PPP2R2A: variants seen among roughly 807,000 people sequenced by gnomAD.
The protein encoded by PPP2R2A is protein phosphatase 2 regulatory subunit Balpha.
PPP2R2A carries 9 observed loss-of-function variants against 53.2 expected under a neutral mutation model. The ratio of observed to expected loss-of-function variants is 0.17; its 90% CI spans 0.10 to 0.30. The LOEUF is 0.30. PPP2R2A is among the 10% of genes least tolerant of loss of function. The pLI, the probability that PPP2R2A is intolerant of heterozygous loss-of-function variation, is 1.00. For missense variants in PPP2R2A, 235 were observed against 534.6 expected (o/e 0.44, Z 5.53); for synonymous variants, 169 against 174.2 (o/e 0.97, Z 0.23).
At position 26,345,696 on chromosome 8, in the gene PPP2R2A, C is replaced by G. The variant is rs12547389; in HGVS notation, c.180+6709C>G. ...TCAGGGTTGGGAGGTGAGCGACTGCCCCTTTGCAGTTACTGTGTTTTTCCC... is the reference window on the plus strand; with the variant it reads ...TCAGGGTTGGGAGGTGAGCGACTGCGCCTTTGCAGTTACTGTGTTTTTCCC... On this transcript the variant is annotated intron_variant, in intron 3 of 9. Transcript: ENST00000380737. Among the ~76,000 whole-genome samples, 567 of 152,140 alleles carry G rather than the reference C, an allele frequency of 3.7e-3. 12 individuals are homozygous for G. Among genetic ancestry groups the G allele is most frequent in the Admixed American group, 0.026 (401 of 15,282 alleles).
At chr8:26,367,947 C>T (rs942697352) in intron 9 of PPP2R2A, among the ~76,000 whole-genome samples, 1 of 152,300 alleles carries the variant, frequency 6.6e-6, no homozygotes, top group Admixed American at 6.5e-5. Context: ...CCTTGTCTTT[C>T]ATGACCTTGG....
At chr8:26,346,143 T>TATTATG (rs1804204214) in intron 3 of PPP2R2A, among the ~76,000 whole-genome samples, 1 of 150,592 alleles carries the variant, frequency 6.6e-6, no homozygotes, top group African/African-American at 2.4e-5. Flanking sequence ...TTATTATTAT[T>TATTATG]ATTATTTATT....
intron 2 of PPP2R2A, among the ~76,000 whole-genome samples, chr8:26,302,847 A>G (rs1006247128): frequency 3.3e-5 from 5 of 152,216 alleles, no homozygotes; most frequent in African/African-American, 4.8e-5. Flanking sequence ...GTCATTTTTC[A>G]TAACATTTTT....
At chr8:26,349,870 A>G (rs76183770) in intron 3 of PPP2R2A, among the ~76,000 whole-genome samples, 4,593 of 152,326 alleles carry the variant, frequency 0.03, 107 homozygotes, top group Middle Eastern at 0.051. Context: ...TACAATCATG[A>G]GTAGAAATAT....
chr8:26,336,887 A>G (rs575951501), intron 2 of PPP2R2A, among the ~76,000 whole-genome samples: 6 of 152,032 alleles, frequency 3.9e-5, no homozygotes, highest in Non-Finnish European at 8.8e-5. Context: ...TTTAAGAAAA[A>G]AAAAAGTCCA....
intron 6 of PPP2R2A, 36 bp downstream of exon 6, chr8:26,361,187 A>C (rs758661930): frequency 1.8e-5 from 28 of 1,524,404 alleles, no homozygotes; most frequent in Non-Finnish European, 2.2e-5. Context: ...TTGGTGAAGA[A>C]GGCATGTTGT....
intron 2 of PPP2R2A, among the ~76,000 whole-genome samples, chr8:26,312,993 A>G (rs1190972565): frequency 2.6e-5 from 4 of 151,204 alleles, no homozygotes; most frequent in Non-Finnish European, 4.4e-5. Flanking sequence ...CACTTTCCCA[A>G]ACTCTTTTAG....
chr8:26,358,024 T>A (rs533945735), intron 4 of PPP2R2A, among the ~76,000 whole-genome samples: 35 of 152,028 alleles, frequency 2.3e-4, no homozygotes, highest in Admixed American at 1.6e-3. Context: ...TCTGATTTTT[T>A]AAAAATTTAT....
At chr8:26,369,776 CTG>C (rs769212961) in intron 9 of PPP2R2A, among the ~76,000 whole-genome samples, 29 of 152,198 alleles carry the variant, frequency 1.9e-4, no homozygotes, top group Non-Finnish European at 2.5e-4. Context: ...GTTTTAGAAC[CTG>C]TGAGTTCCAC....
intron 3 of PPP2R2A, among the ~76,000 whole-genome samples, chr8:26,351,322 C>G (rs562740770): frequency 1.3e-4 from 20 of 151,756 alleles, no homozygotes; most frequent in African/African-American, 4.8e-4. Context: ...TGCAGTGGTC[C>G]CTGTCTCCAT....
chr8:26,296,774 A>G lies in PPP2R2A; in HGVS notation c.82+3034A>G, dbSNP rs115813012. Among the ~76,000 whole-genome samples the G allele has an allele frequency of 3.2e-3, 480 of 152,362 alleles. 1 individual carries two copies. The highest frequency in any genetic ancestry group is 0.011 in the African/African-American group (459 of 41,584). On this transcript the variant is annotated intron_variant, in intron 2 of 9. Coordinates refer to ENST00000380737, the MANE Select transcript of PPP2R2A (RefSeq NM_002717.4). ...GTTTTGAAAGGGGAAGAGAAATGGT[A>G]AAAGGCAGGATGATTGAGATGTAGT...
rs540096798 is a variant in PPP2R2A at position 26,335,135 on chromosome 8, C to T, written c.83-3755C>T. The stretch of plus-strand genomic sequence containing the variant: ...GCATGCCGGTATGCAGTGGCACATA[C>T]GGTACAAAGCTGCTTCAGCGTGCTC... On this transcript the variant is annotated intron_variant, in intron 2 of 9. Transcript: ENST00000380737. Among the ~76,000 whole-genome samples the T allele has an allele frequency of 4.6e-5, 7 of 152,288 alleles. No individual in the cohort carries two copies. The East Asian group carries it at 1.2e-3, about 25-fold the overall frequency.
intron 2 of PPP2R2A, among the ~76,000 whole-genome samples, chr8:26,318,950 A>G (rs1326800557): frequency 6.6e-6 from 1 of 152,168 alleles, no homozygotes; most frequent in Non-Finnish European, 1.5e-5. Context: ...CATCGCCACC[A>G]TCCATATCCA....
Position 26,371,318 on chromosome 8 carries a change from G to T in PPP2R2A, c.*905G>T, listed in dbSNP as rs1218466610. The T allele has an allele frequency of 1.4e-5, 2 of 147,534 alleles. No individual in the cohort carries two copies. The highest frequency in any genetic ancestry group is 3.0e-5 in the Non-Finnish European group (2 of 67,138). 9.1% of individuals were successfully genotyped at this position (147,534 alleles called of 1,614,324 possible). On this transcript the variant is annotated 3_prime_UTR_variant, in exon 10 of 10. Transcript: ENST00000380737. ...CTCTATGAACATATTTTGAATATAG[G>T]TTTTATTAAGGATTTCACAATCTAT...
rs79387074 is a variant in PPP2R2A at position 26,353,252 on chromosome 8, C to T, written c.181-1216C>T. ...CCTTGTGTATCCCCGATATGTGGATCGTTTTGTGGGACATGTATTCTTAAC... is the reference window on the plus strand; with the variant it reads ...CCTTGTGTATCCCCGATATGTGGATTGTTTTGTGGGACATGTATTCTTAAC... On this transcript the variant is annotated intron_variant, in intron 3 of 9. Transcript: ENST00000380737. 7.2e-3 allele frequency among the ~76,000 whole-genome samples: 1,098 copies of T among 152,248 alleles called. 10 individuals are homozygous for T. The highest frequency in any genetic ancestry group is 0.025 in the African/African-American group (1,027 of 41,550).
In PPP2R2A at chr8:26,362,749, C is replaced by G. The variant is rs762616350; in HGVS notation, c.703C>G (p.His235Asp). 2 of 1,614,068 alleles carry G rather than the reference C, an allele frequency of 1.2e-6. No individual in the cohort carries two copies. The highest frequency in any genetic ancestry group is 1.7e-6 in the Non-Finnish European group (2 of 1,179,930). ...LTEVITAAEF[H>D]PNSCNTFVYS... Reference sequence around the variant, plus strand: ...AGAGGTGATTACAGCAGCAGAATTTCATCCAAACAGCTGTAACACATTTGT... The same window carrying G: ...AGAGGTGATTACAGCAGCAGAATTTGATCCAAACAGCTGTAACACATTTGT... The change falls in exon 7 of 10, where the codon CAT becomes GAT. Residue 235 changes from histidine (H) to aspartate (D), a missense_variant. Physicochemically the swap from His to Asp is moderately conservative, Grantham distance 81 (BLOSUM62 -1). Transcript: ENST00000380737. The surrounding 1 kb of genome is among the most constrained non-coding windows in gnomAD (Gnocchi z 4.4).
intron 2 of PPP2R2A, among the ~76,000 whole-genome samples, chr8:26,323,940 T>G (rs959559789): frequency 1.3e-5 from 2 of 152,210 alleles, no homozygotes; most frequent in African/African-American, 2.4e-5. Context: ...TTCCTCCAGT[T>G]TTCATTGTTT....
At chr8:26,315,964 T>C (rs1313547854) in intron 2 of PPP2R2A, among the ~76,000 whole-genome samples, 1 of 152,228 alleles carries the variant, frequency 6.6e-6, no homozygotes, top group Non-Finnish European at 1.5e-5. Context: ...ACAGAATTTA[T>C]ATAAAAGTAG....
At chr8:26,351,740 G>A (rs1241161854) in intron 3 of PPP2R2A, among the ~76,000 whole-genome samples, 1 of 152,194 alleles carries the variant, frequency 6.6e-6, no homozygotes, top group Non-Finnish European at 1.5e-5. Context: ...ATTTAGGCCT[G>A]TTTCTGGGCC....
Sources: allele counts gnomAD v4.1 joint callset (sites outside exome capture counted in the v4.1 genomes callset), GRCh38; gene constraint gnomAD v4.1.1; non-coding constraint Gnocchi (gnomAD v3.1); transcripts MANE v1.5; gene names NCBI Gene and HGNC (gene_info 2026-07-23, HGNC 2026-07-21).